AUTS2: variants seen among roughly 807,000 people sequenced by gnomAD.
The protein encoded by AUTS2 is activator of transcription and developmental regulator AUTS2.
Under a neutral mutation model 112.4 loss-of-function variants are expected in AUTS2, and 17 were observed. The ratio of observed to expected loss-of-function variants is 0.15; its 90% CI spans 0.10 to 0.23. AUTS2 has a LOEUF of 0.23. Ranked by LOEUF, AUTS2 falls within the 10% of genes least tolerant of loss-of-function variation. The pLI is 1.00. For missense variants in AUTS2, 1,510 were observed against 1,701.6 expected (o/e 0.89, Z 1.98); for synonymous variants, 751 against 702.7 (o/e 1.07, Z -1.09).
rs562609792 is a variant in AUTS2 at position 70,495,568 on chromosome 7, G to A, written c.690+59787G>A. On this transcript the variant is annotated intron_variant, in intron 5 of 18. Transcript: ENST00000342771. ...ACACACACCCCCCGCACATGCACAC[G>A]TCACATCAGCATCAATCACACACCC... 2.3e-3 allele frequency among the ~76,000 whole-genome samples: 346 copies of A among 151,238 alleles called. 3 individuals carry two copies. The highest frequency in any genetic ancestry group is 7.5e-3 in the African/African-American group (310 of 41,134).
intron 6 of AUTS2, among the ~76,000 whole-genome samples, chr7:70,739,842 G>C (rs1489128779): frequency 1.3e-5 from 2 of 151,260 alleles, no homozygotes; most frequent in African/African-American, 4.9e-5. Flanking sequence ...CCTTACGTTA[G>C]GCTGAAGTCT....
At chr7:70,535,034 TAAAAA>T (rs11350780) in intron 5 of AUTS2, among the ~76,000 whole-genome samples, 1 of 134,598 alleles carries the variant, frequency 7.4e-6, no homozygotes, top group Non-Finnish European at 1.6e-5. Flanking sequence ...ATCTATTTCA[TAAAAA>T]AAAAAAAAAA....
intron 1 of AUTS2, among the ~76,000 whole-genome samples, chr7:69,677,068 T>A (rs1022056484): frequency 6.6e-6 from 1 of 152,192 alleles, no homozygotes; most frequent in Non-Finnish European, 1.5e-5. Flanking sequence ...TCTATTTGGA[T>A]GTCTTGTTAA....
chr7:70,536,749 A>C (rs955747174), intron 5 of AUTS2, among the ~76,000 whole-genome samples: 1 of 151,854 alleles, frequency 6.6e-6, no homozygotes, highest in Non-Finnish European at 1.5e-5. Context: ...AAAAATACAA[A>C]ATTAGCCGGG....
chr7:70,081,935 A>T (rs1387909232), intron 2 of AUTS2, among the ~76,000 whole-genome samples: 1 of 146,770 alleles, frequency 6.8e-6, no homozygotes, highest in Non-Finnish European at 1.5e-5. Flanking sequence ...TTCTGTGAAG[A>T]GTGTGTGTGT....
At chr7:70,551,326 G>C (rs1044220730) in intron 5 of AUTS2, among the ~76,000 whole-genome samples, 4 of 151,970 alleles carry the variant, frequency 2.6e-5, no homozygotes, top group African/African-American at 9.7e-5. Context: ...GAGGGGGAGG[G>C]GAGTCCATTG....
chr7:70,112,560 T>C (rs889838939), intron 2 of AUTS2, among the ~76,000 whole-genome samples: 2 of 152,078 alleles, frequency 1.3e-5, no homozygotes, highest in African/African-American at 4.8e-5. Flanking sequence ...TTTTGCTTTC[T>C]TTTATTATTT....
intron 4 of AUTS2, among the ~76,000 whole-genome samples, chr7:70,297,425 A>C (rs1025348519): frequency 4.0e-5 from 6 of 149,640 alleles, no homozygotes; most frequent in African/African-American, 1.5e-4. Flanking sequence ...AGAGGAAGAT[A>C]ATTTTTTTTT....
chr7:70,710,561 C>G (rs1027156061), intron 6 of AUTS2, among the ~76,000 whole-genome samples: 8 of 152,190 alleles, frequency 5.3e-5, no homozygotes, highest in African/African-American at 1.9e-4. Flanking sequence ...GCTGCATTTG[C>G]TGTTTGTTGG....
intron 1 of AUTS2, among the ~76,000 whole-genome samples, chr7:69,608,117 A>G (rs1250774774): frequency 6.6e-6 from 1 of 151,966 alleles, no homozygotes; most frequent in African/African-American, 2.4e-5. Flanking sequence ...TATTTTTTGT[A>G]GAGATAGAGT....
intron 1 of AUTS2, among the ~76,000 whole-genome samples, chr7:69,823,733 C>G (rs1270240139): frequency 1.3e-5 from 2 of 151,706 alleles, no homozygotes; most frequent in Non-Finnish European, 2.9e-5. Flanking sequence ...AAAGGAAGCA[C>G]TTACTGAATA....
intron 5 of AUTS2, among the ~76,000 whole-genome samples, chr7:70,532,569 C>T (rs1234322550): frequency 6.6e-6 from 1 of 152,066 alleles, no homozygotes; most frequent in Admixed American, 6.6e-5. Context: ...TGAGAAGGCA[C>T]TAGAAAAAAA....
chr7:70,527,079 G>A (rs1159707055), intron 5 of AUTS2, among the ~76,000 whole-genome samples: 1 of 152,082 alleles, frequency 6.6e-6, no homozygotes, highest in Non-Finnish European at 1.5e-5. Flanking sequence ...TGCCTTCCTG[G>A]GGTTCACCCT....
chr7:70,511,864 A>G (rs780414661), intron 5 of AUTS2, among the ~76,000 whole-genome samples: 49 of 152,256 alleles, frequency 3.2e-4, no homozygotes, highest in Middle Eastern at 3.4e-3. Flanking sequence ...GGCATGAACC[A>G]TCACATCCGG....
intron 5 of AUTS2, among the ~76,000 whole-genome samples, chr7:70,524,347 T>C (rs1799757024): frequency 1.3e-5 from 2 of 152,218 alleles, no homozygotes; most frequent in Non-Finnish European, 2.9e-5. Flanking sequence ...TTCCACCATA[T>C]AGTTGGTCAG....
intron 5 of AUTS2, among the ~76,000 whole-genome samples, chr7:70,483,020 G>T (rs1203960515): frequency 6.6e-6 from 1 of 152,136 alleles, no homozygotes; most frequent in South Asian, 2.1e-4. Context: ...TATGAAATCT[G>T]CATGGCCCCT....
intron 5 of AUTS2, among the ~76,000 whole-genome samples, chr7:70,690,363 T>A (rs184085897): frequency 6.6e-5 from 10 of 152,222 alleles, no homozygotes; most frequent in Admixed American, 6.5e-4. Context: ...GTTATCACCC[T>A]CCTTCAATCA....
At chr7:69,879,008 G>A (rs1793923171) in intron 1 of AUTS2, among the ~76,000 whole-genome samples, 1 of 152,178 alleles carries the variant, frequency 6.6e-6, no homozygotes, top group Admixed American at 6.5e-5. Context: ...GCTTTGAGAT[G>A]CAGACTGGGG....
chr7:69,916,509 G>T (rs144659179), intron 2 of AUTS2, among the ~76,000 whole-genome samples: 1 of 152,064 alleles, frequency 6.6e-6, no homozygotes, highest in Non-Finnish European at 1.5e-5. Context: ...CTCCTTATCA[G>T]AGTTTTGCTG....
Sources: gnomAD v4.1 joint callset for allele counts (sites outside exome capture counted in the v4.1 genomes callset) on GRCh38, gnomAD v4.1.1 for gene constraint, MANE v1.5 for transcripts, NCBI Gene and HGNC (gene_info 2026-07-23, HGNC 2026-07-21) for gene names.